Variants in RAD51B observed in about 807,000 individuals in gnomAD.
The protein encoded by RAD51B is RAD51 paralog B.
In RAD51B, 38 loss-of-function variants were observed where a neutral mutation model predicts 42.2. The observed-to-expected ratio is 0.90, with a 90% CI of 0.70 to 1.18. The LOEUF is 1.18. Ranked by LOEUF, RAD51B falls within the 50% of genes most tolerant of loss-of-function variation. The pLI, the probability that RAD51B is intolerant of heterozygous loss-of-function variation, is 0.00. For missense variants in RAD51B, 373 were observed against 400.7 expected (o/e 0.93, Z 0.59); for synonymous variants, 154 against 145.2 (o/e 1.06, Z -0.43).
chr14:68,055,740 G>A (rs575945679), intron 7 of RAD51B, among the ~76,000 whole-genome samples: 2 of 152,294 alleles, frequency 1.3e-5, no homozygotes, highest in South Asian at 4.1e-4. Flanking sequence ...CAGCTTGACT[G>A]AGCATGGAAG....
intron 8 of RAD51B, among the ~76,000 whole-genome samples, chr14:68,391,498 G>A (rs1224240150): frequency 6.6e-6 from 1 of 152,126 alleles, no homozygotes; most frequent in African/African-American, 2.4e-5. Flanking sequence ...CAGGACTTGA[G>A]CTAATCCTGG....
chr14:68,366,628 A>G (rs2083147916), intron 8 of RAD51B, among the ~76,000 whole-genome samples: 1 of 152,218 alleles, frequency 6.6e-6, no homozygotes, highest in Admixed American at 6.5e-5. Flanking sequence ...AGATGCACAG[A>G]AGAAAGTTCC....
At chr14:68,265,474 G>T (rs983672006) in intron 7 of RAD51B, among the ~76,000 whole-genome samples, 1 of 152,168 alleles carries the variant, frequency 6.6e-6, no homozygotes, top group African/African-American at 2.4e-5. Context: ...TGTCGGCCAG[G>T]CGCGGTGGCT....
At chr14:68,615,362 T>C (rs1566955964), downstream of RAD51B, among the ~76,000 whole-genome samples, 2 of 152,322 alleles carry the variant, frequency 1.3e-5, no homozygotes, top group Non-Finnish European at 2.9e-5. Context: ...TTTTTTTTTT[T>C]TGAGACGGAG....
intron 10 of RAD51B, among the ~76,000 whole-genome samples, chr14:68,490,680 G>A (rs573490832): frequency 1.6e-3 from 249 of 152,222 alleles, no homozygotes; most frequent in Non-Finnish European, 2.7e-3. Context: ...CTTCTCAATT[G>A]GGGCAAATCA....
chr14:68,349,965 AG>A (rs932559695), intron 8 of RAD51B, among the ~76,000 whole-genome samples: 60 of 152,372 alleles, frequency 3.9e-4, no homozygotes, highest in African/African-American at 1.3e-3. Flanking sequence ...AAGTGTAGTC[AG>A]CAAAAAAAGC....
intron 7 of RAD51B, among the ~76,000 whole-genome samples, chr14:68,119,954 A>G (rs2077619098): frequency 2.0e-5 from 3 of 150,902 alleles, no homozygotes; most frequent in South Asian, 2.1e-4. Flanking sequence ...AAGTGTTCCT[A>G]TTTCTCCACA....
chr14:68,262,039 G>A (rs923648231), intron 7 of RAD51B, among the ~76,000 whole-genome samples: 2 of 151,156 alleles, frequency 1.3e-5, no homozygotes, highest in Admixed American at 6.6e-5. Context: ...TTGTAAATAG[G>A]AGTAACTCCT....
In RAD51B at chr14:68,506,676, C is replaced by T. The variant is rs149040653; in HGVS notation, c.1036+38426C>T. On this transcript the variant is annotated intron_variant, in intron 10 of 10. Transcript: ENST00000487270. ...GAGGGGCAGCACCAGCACACCTAGGCGCTCTCATTTATACATTGAAAGGCG... is the reference window on the plus strand; with the variant it reads ...GAGGGGCAGCACCAGCACACCTAGGTGCTCTCATTTATACATTGAAAGGCG... 9.9e-4 allele frequency among the ~76,000 whole-genome samples: 151 copies of T among 152,256 alleles called. 1 individual carries two copies. The highest frequency in any genetic ancestry group is 3.3e-3 in the African/African-American group (139 of 41,524).
chr14:67,982,992 T>C (rs1174731542), intron 7 of RAD51B, among the ~76,000 whole-genome samples: 1 of 151,940 alleles, frequency 6.6e-6, no homozygotes, highest in Non-Finnish European at 1.5e-5. Context: ...AGCCCAGGAG[T>C]TTGAGGCTGC....
At chr14:68,184,010 A>G (rs1375299294) in intron 7 of RAD51B, among the ~76,000 whole-genome samples, 3 of 149,752 alleles carry the variant, frequency 2.0e-5, no homozygotes, top group Non-Finnish European at 1.5e-5. Context: ...GGAGAATGGC[A>G]TGAACCTGGG....
At chr14:67,991,968 G>C (rs1444823408) in intron 7 of RAD51B, among the ~76,000 whole-genome samples, 2 of 152,132 alleles carry the variant, frequency 1.3e-5, no homozygotes, top group African/African-American at 4.8e-5. Flanking sequence ...AGGAAAAAAG[G>C]CTTAACGTTC....
chr14:67,942,143 A>G (rs1049882722), intron 7 of RAD51B, among the ~76,000 whole-genome samples: 2 of 152,222 alleles, frequency 1.3e-5, no homozygotes, highest in Non-Finnish European at 2.9e-5. Context: ...TATAATTATA[A>G]CAGAAATAAG....
At chr14:68,662,570 C>A (rs544355173) in intron 11 of RAD51B, among the ~76,000 whole-genome samples, 1 of 152,202 alleles carries the variant, frequency 6.6e-6, no homozygotes, top group Non-Finnish European at 1.5e-5. Context: ...CCCCAGCTGT[C>A]CCAGTGACAC....
intron 7 of RAD51B, among the ~76,000 whole-genome samples, chr14:68,203,848 C>A (rs115890466): frequency 1.1e-3 from 163 of 152,300 alleles, no homozygotes; most frequent in African/African-American, 3.8e-3. Context: ...TGAAGCAACC[C>A]CTGCTAACTT....
At chr14:68,513,757 T>G (rs1319568678) in intron 10 of RAD51B, among the ~76,000 whole-genome samples, 1 of 152,246 alleles carries the variant, frequency 6.6e-6, no homozygotes, top group Non-Finnish European at 1.5e-5. Flanking sequence ...GAAAAGCTAC[T>G]GAACCTCCCA....
chr14:68,374,209 GA>G (rs2083318398), intron 8 of RAD51B, among the ~76,000 whole-genome samples: 1 of 152,170 alleles, frequency 6.6e-6, no homozygotes, highest in Non-Finnish European at 1.5e-5. Context: ...TAATCATTCT[GA>G]TTTTCCTAGT....
At chr14:68,433,215 A>G (rs2085057651) in intron 9 of RAD51B, among the ~76,000 whole-genome samples, 1 of 152,054 alleles carries the variant, frequency 6.6e-6, no homozygotes. Context: ...TGAATCTGAC[A>G]ATTATGTGTC....
intron 7 of RAD51B, among the ~76,000 whole-genome samples, chr14:67,912,534 T>C (rs556255245): frequency 6.6e-6 from 1 of 152,270 alleles, no homozygotes; most frequent in East Asian, 1.9e-4. Context: ...ATTCTACTGA[T>C]TGGGAGAGAA....
Sources: gnomAD v4.1 joint callset for allele counts (sites outside exome capture counted in the v4.1 genomes callset) on GRCh38, gnomAD v4.1.1 for gene constraint, MANE v1.5 for transcripts, NCBI Gene and HGNC (gene_info 2026-07-23, HGNC 2026-07-21) for gene names.